Variants in PCDH11X observed in about 807,000 individuals in gnomAD.
The protein encoded by PCDH11X is protocadherin 11 X-linked.
Under a neutral mutation model 53.3 loss-of-function variants are expected in PCDH11X, and 18 were observed. The observed-to-expected ratio is 0.34, with a 90% CI of 0.23 to 0.50. PCDH11X has a LOEUF of 0.50. PCDH11X is among the 20% of genes least tolerant of loss of function. PCDH11X has a pLI of 0.98. For missense variants in PCDH11X, 570 were observed against 1,032.4 expected, an observed-to-expected ratio of 0.55 and a Z score of 6.14; for synonymous variants, 279 against 393.3, an observed-to-expected ratio of 0.71 and a Z score of 3.44.
intron 10 of PCDH11X, among the ~76,000 whole-genome samples, chrX:92,582,273 GA>G (rs769991378): frequency 0.11 from 9,250 of 82,101 alleles, 772 homozygotes; most frequent in African/African-American, 0.24. Context: ...TAAAAGCCTA[GA>G]AAAAAAAAAA....
At chrX:92,518,744 TA>T (rs1230128105) in intron 10 of PCDH11X, among the ~76,000 whole-genome samples, 3 of 92,555 alleles carry the variant, frequency 3.2e-5, no homozygotes, top group East Asian at 3.8e-4. Flanking sequence ...GGCTTACCAA[TA>T]AAATTTTTTT....
chrX:91,904,037 G>A (rs1373845564), intron 6 of PCDH11X, among the ~76,000 whole-genome samples: 2 of 109,638 alleles, frequency 1.8e-5, no homozygotes, highest in African/African-American at 3.3e-5. Flanking sequence ...TTGAGGAGAT[G>A]GAGAACAAAT....
At chrX:92,309,580 T>C (rs1210608664) in intron 8 of PCDH11X, among the ~76,000 whole-genome samples, 8 of 111,868 alleles carry the variant, frequency 7.2e-5, no homozygotes, top group Non-Finnish European at 1.5e-4. Context: ...TGGATGGTGA[T>C]GACAGTTTCA....
At chrX:92,417,834 T>TTG (rs2148611064) in intron 9 of PCDH11X, among the ~76,000 whole-genome samples, 1 of 93,731 alleles carries the variant, frequency 1.1e-5, no homozygotes, top group East Asian at 3.5e-4. Context: ...TTTTTTTTTT[T>TTG]TTTGCCCCTT....
At chrX:92,476,305 C>T (rs1448638112) in intron 10 of PCDH11X, among the ~76,000 whole-genome samples, 2 of 111,650 alleles carry the variant, frequency 1.8e-5, no homozygotes, top group Non-Finnish European at 3.8e-5. Context: ...TCTTTATCAG[C>T]AGTGTGAGAA....
At chrX:92,177,082 T>C (rs915404888) in intron 6 of PCDH11X, among the ~76,000 whole-genome samples, 2 of 108,319 alleles carry the variant, frequency 1.8e-5, no homozygotes, top group Admixed American at 2.0e-4. Flanking sequence ...TTCAAGCGAT[T>C]CTCCTGCCTC....
chrX:92,284,048 C>T (rs1304277562), intron 8 of PCDH11X, among the ~76,000 whole-genome samples: 1 of 107,700 alleles, frequency 9.3e-6, no homozygotes, highest in Non-Finnish European at 1.9e-5. Flanking sequence ...TCCTTATAAA[C>T]TGATTGTTAT....
chrX:92,420,602 T>A, intron 9 of PCDH11X: 1 of 304,210 alleles, frequency 3.3e-6, no homozygotes, highest in South Asian at 3.6e-5. Context: ...TTGCTTTCTT[T>A]CATCATTTTA....
intron 7 of PCDH11X, among the ~76,000 whole-genome samples, chrX:92,238,307 G>A (rs946635024): frequency 2.2e-4 from 24 of 111,519 alleles, no homozygotes; most frequent in African/African-American, 7.8e-4. Context: ...AGTTTACATA[G>A]ACATCTAATT....
chrX:92,323,530 C>T (rs2069259430), intron 8 of PCDH11X, among the ~76,000 whole-genome samples: 1 of 109,882 alleles, frequency 9.1e-6, no homozygotes, highest in Non-Finnish European at 1.9e-5. Flanking sequence ...ACCCCATTTT[C>T]CTTGACTTTC....
At chrX:92,464,255 G>A (rs981806399) in intron 9 of PCDH11X, among the ~76,000 whole-genome samples, 3 of 110,829 alleles carry the variant, frequency 2.7e-5, no homozygotes, top group Admixed American at 9.6e-5. Context: ...ATATGGTTTG[G>A]CTGTGTCCCC....
At chrX:91,937,525 T>C (rs1359901018) in intron 6 of PCDH11X, among the ~76,000 whole-genome samples, 4 of 111,371 alleles carry the variant, frequency 3.6e-5, no homozygotes, top group African/African-American at 6.5e-5. Flanking sequence ...CCAGTTTTAC[T>C]AATTCATTTC....
intron 6 of PCDH11X, among the ~76,000 whole-genome samples, chrX:92,096,488 T>C (rs1024350623): frequency 6.5e-5 from 7 of 108,464 alleles, no homozygotes; most frequent in Admixed American, 6.1e-4. Flanking sequence ...GTACCTGCTA[T>C]ATATGAATAT....
At chrX:92,459,571 A>G in intron 9 of PCDH11X, 2 of 460,251 alleles carry the variant, frequency 4.3e-6, no homozygotes, top group Non-Finnish European at 7.6e-6. Flanking sequence ...CAAAGTATCC[A>G]GGAGTAAATA....
At chrX:92,014,303 A>G (rs1012647617) in intron 6 of PCDH11X, among the ~76,000 whole-genome samples, 2 of 112,357 alleles carry the variant, frequency 1.8e-5, no homozygotes, top group African/African-American at 6.5e-5. Context: ...ATCACTGGCC[A>G]TCAGAGAAAT....
intron 10 of PCDH11X, among the ~76,000 whole-genome samples, chrX:92,598,482 A>T (rs1311517128): frequency 9.2e-6 from 1 of 109,031 alleles, no homozygotes; most frequent in African/African-American, 3.4e-5. Context: ...GATAAATGCA[A>T]ATAAAAACTA....
intron 6 of PCDH11X, among the ~76,000 whole-genome samples, chrX:92,038,181 A>G (rs2063156661): frequency 9.0e-6 from 1 of 111,524 alleles, no homozygotes; most frequent in Non-Finnish European, 1.9e-5. Flanking sequence ...GGCTACAGAA[A>G]TTTGCACAAG....
At chrX:92,123,484 A>G (rs1270784777) in intron 6 of PCDH11X, among the ~76,000 whole-genome samples, 1 of 111,414 alleles carries the variant, frequency 9.0e-6, no homozygotes, top group African/African-American at 3.3e-5. Flanking sequence ...ATTTCTATGC[A>G]TATGACTCTC....
rs1404332242 is a variant in PCDH11X, at chrX:91,926,109, CACACAT to C, written c.3033+46838_3033+46843del. Among the ~76,000 whole-genome samples, 8 of 87,929 alleles carry C rather than the reference CACACAT, an allele frequency of 9.1e-5. No individual in the cohort carries two copies. In the East Asian group the frequency reaches 1.6e-3, roughly 17 times the overall value. 76.4% of individuals were successfully genotyped at this position (87,929 alleles called of 115,157 possible). On this transcript the variant is annotated intron_variant, in intron 6 of 10. Coordinates refer to ENST00000682573, the MANE Select transcript of PCDH11X (RefSeq NM_032968.5). ...ACACACACACACACACACACACACA[CACACAT>C]ATATATATAGAAGGAGATTTATTAT...
Sources: allele counts gnomAD v4.1 joint callset (sites outside exome capture counted in the v4.1 genomes callset), GRCh38; gene constraint gnomAD v4.1.1; transcripts MANE v1.5; gene names NCBI Gene and HGNC (gene_info 2026-07-23, HGNC 2026-07-21).